The following NRG3 variants were observed in gnomAD, a reference collection of about 807,000 sequenced individuals.
The protein encoded by NRG3 is pro-neuregulin-3, membrane-bound isoform.
A neutral mutation model predicts 66.9 loss-of-function variants in NRG3; 31 were observed. The ratio of observed to expected loss-of-function variants is 0.46; its 90% CI spans 0.35 to 0.63. NRG3 has a LOEUF of 0.63. Among genes scored for constraint, NRG3 ranks in the 20% least tolerant of loss-of-function variants. NRG3 has a pLI of 0.00. For missense variants in NRG3, 910 were observed against 878.9 expected, an observed-to-expected ratio of 1.04 and a Z score of -0.45; for synonymous variants, 393 against 359.4, an observed-to-expected ratio of 1.09 and a Z score of -1.06.
intron 1 of NRG3, among the ~76,000 whole-genome samples, chr10:82,185,028 A>G (rs1198508021): frequency 1.3e-5 from 2 of 152,164 alleles, no homozygotes; most frequent in East Asian, 1.9e-4. Context: ...TCTTGAGTCT[A>G]TTACCTATGA....
At position 82,719,769 on chromosome 10, in the gene NRG3, C is replaced by T. The variant is rs189815951; in HGVS notation, c.954-18808C>T. Among the ~76,000 whole-genome samples the T allele has an allele frequency of 2.4e-4, 37 of 152,280 alleles. No homozygotes were observed. In the East Asian group the frequency reaches 6.4e-3, roughly 26 times the overall value. On this transcript the variant is annotated intron_variant, in intron 2 of 8. Coordinates refer to ENST00000372141, the MANE Select transcript of NRG3 (RefSeq NM_001010848.4). The stretch of plus-strand genomic sequence containing the variant: ...TGTTACTTTATCATCCCCTGCTTAG[C>T]TTCTTGCCACTTCTTCAGCTGTGTA...
chr10:82,517,843 T>A (rs564703252), intron 2 of NRG3, among the ~76,000 whole-genome samples: 1 of 152,208 alleles, frequency 6.6e-6, no homozygotes, highest in East Asian at 1.9e-4. Context: ...ATGTACAAAT[T>A]TAGCTCATAA....
intron 2 of NRG3, among the ~76,000 whole-genome samples, chr10:82,488,308 A>G (rs940008865): frequency 1.3e-5 from 2 of 152,170 alleles, no homozygotes; most frequent in Non-Finnish European, 2.9e-5. Context: ...ATTATTTCCA[A>G]ATGTGGAAAC....
chr10:82,723,490 A>G (rs1217859715), intron 2 of NRG3, among the ~76,000 whole-genome samples: 3 of 152,314 alleles, frequency 2.0e-5, no homozygotes, highest in Admixed American at 6.5e-5. Flanking sequence ...TTATGAGAAA[A>G]CAAACAGAAA....
At chr10:82,176,828 AG>A (rs2073065797) in intron 1 of NRG3, among the ~76,000 whole-genome samples, 2 of 151,684 alleles carry the variant, frequency 1.3e-5, no homozygotes, top group African/African-American at 4.8e-5. Flanking sequence ...ATGACATAGT[AG>A]CCCAGGAGAT....
chr10:82,381,941 T>A (rs2135860721), intron 2 of NRG3, among the ~76,000 whole-genome samples: 1 of 152,292 alleles, frequency 6.6e-6, no homozygotes, highest in Admixed American at 6.5e-5. Context: ...CTCTTTAGTT[T>A]GGTTTAAACC....
chr10:82,737,523 GT>G (rs112431840), intron 2 of NRG3, among the ~76,000 whole-genome samples: 13,271 of 152,108 alleles, frequency 0.087, 708 homozygotes, highest in Middle Eastern at 0.18. Flanking sequence ...GCAGAGAATT[GT>G]TTTTTAAATC....
intron 2 of NRG3, among the ~76,000 whole-genome samples, chr10:82,456,278 T>TA (rs2091263368): frequency 6.6e-6 from 1 of 151,866 alleles, no homozygotes; most frequent in South Asian, 2.1e-4. Flanking sequence ...TAGATAGGAC[T>TA]AAAAGTATGT....
chr10:82,682,020 G>A (rs767940978), intron 2 of NRG3, among the ~76,000 whole-genome samples: 1 of 152,224 alleles, frequency 6.6e-6, no homozygotes, highest in South Asian at 2.1e-4. Flanking sequence ...AAGGGAACAA[G>A]GGGTTTTAAA....
chr10:82,735,140 A>T (rs2058092326), intron 2 of NRG3, among the ~76,000 whole-genome samples: 1 of 152,242 alleles, frequency 6.6e-6, no homozygotes, highest in Non-Finnish European at 1.5e-5. Context: ...TTAGAGTTGG[A>T]GACTTTTTTA....
intron 2 of NRG3, among the ~76,000 whole-genome samples, chr10:82,645,773 G>A (rs913173852): frequency 3.9e-5 from 6 of 152,112 alleles, no homozygotes; most frequent in Non-Finnish European, 7.4e-5. Context: ...AAACAAGAGT[G>A]TTGTATTGAG....
chr10:82,623,225 C>T (rs574153061), intron 2 of NRG3, among the ~76,000 whole-genome samples: 15 of 152,196 alleles, frequency 9.9e-5, no homozygotes, highest in South Asian at 2.1e-4. Flanking sequence ...TTTTAAACTT[C>T]GGGAGTAGGA....
At chr10:82,764,489 A>C (rs2059443416) in intron 3 of NRG3, among the ~76,000 whole-genome samples, 1 of 150,178 alleles carries the variant, frequency 6.7e-6, no homozygotes, top group African/African-American at 2.5e-5. Flanking sequence ...CAGCCTCCCG[A>C]GTAGCTGAGA....
At chr10:82,020,604 A>C (rs1262672001) in intron 1 of NRG3, among the ~76,000 whole-genome samples, 15 of 152,098 alleles carry the variant, frequency 9.9e-5, no homozygotes. Flanking sequence ...TCATAATCCT[A>C]AACTGGTTAA....
intron 6 of NRG3, among the ~76,000 whole-genome samples, chr10:82,963,403 G>A (rs540259100): frequency 7.9e-5 from 12 of 152,174 alleles, no homozygotes; most frequent in African/African-American, 1.7e-4. Context: ...GCATTAGGCC[G>A]GGCGCGGTGG....
intron 3 of NRG3, among the ~76,000 whole-genome samples, chr10:82,808,545 A>G (rs2061373572): frequency 6.6e-6 from 1 of 152,116 alleles, no homozygotes; most frequent in Non-Finnish European, 1.5e-5. Context: ...AGATGATTAT[A>G]TATGTGATTA....
At chr10:82,840,264 T>G (rs2062992495) in intron 3 of NRG3, among the ~76,000 whole-genome samples, 1 of 152,158 alleles carries the variant, frequency 6.6e-6, no homozygotes, top group African/African-American at 2.4e-5. Context: ...CAGGTAGTGC[T>G]CATGTTCCTG....
intron 2 of NRG3, among the ~76,000 whole-genome samples, chr10:82,408,615 A>G (rs2087804296): frequency 7.3e-6 from 1 of 137,268 alleles, no homozygotes; most frequent in Admixed American, 7.3e-5. Flanking sequence ...TGACAAAACT[A>G]TACATTTCAT....
At position 82,474,502 on chromosome 10, in the gene NRG3, A is replaced by T. The variant is rs573899943; in HGVS notation, c.953+115634A>T. On this transcript the variant is annotated intron_variant, in intron 2 of 8. Transcript: ENST00000372141. ...TTTCACTAGAAGGGTTCAACAGCAG[A>T]TTTGAAGAAACAGAAGAACTAATCA... Among the ~76,000 whole-genome samples, 18 of 152,276 alleles carry T rather than the reference A, an allele frequency of 1.2e-4. No individual in the cohort carries two copies. In the East Asian group the frequency reaches 3.3e-3, roughly 28 times the overall value.
Sources: allele counts gnomAD v4.1 joint callset (sites outside exome capture counted in the v4.1 genomes callset), GRCh38; gene constraint gnomAD v4.1.1; transcripts MANE v1.5; gene names NCBI Gene and HGNC (gene_info 2026-07-23, HGNC 2026-07-21).